CNTN5: variants seen among roughly 807,000 people sequenced by gnomAD.
CNTN5 encodes contactin 5.
In CNTN5, 77 loss-of-function variants were observed where a neutral mutation model predicts 129.1. The observed-to-expected ratio is 0.60, with a 90% CI of 0.50 to 0.72. The LOEUF (loss-of-function observed/expected upper bound fraction) is 0.72, where lower values mean the gene tolerates loss of function less well. Among genes scored for constraint, CNTN5 ranks in the 30% least tolerant of loss-of-function variants. The pLI is 0.00. For synonymous variants in CNTN5, 509 were observed against 465.6 expected (o/e 1.09, Z -1.20); for missense variants, 1,478 against 1,328.8 (o/e 1.11, Z -1.75).
intron 1 of CNTN5, among the ~76,000 whole-genome samples, chr11:99,249,623 T>G (rs73534964): frequency 0.017 from 2,591 of 152,114 alleles, 85 homozygotes; most frequent in African/African-American, 0.06. Context: ...GGTATGTTAT[T>G]TGAAATCCAA....
At chr11:100,309,574 G>A in intron 21 of CNTN5, 1 of 983,230 alleles carries the variant, frequency 1.0e-6, no homozygotes, top group Non-Finnish European at 1.2e-6. Context: ...CATGTTTAAT[G>A]TGATGAATAT....
rs200531331 is a variant in CNTN5 at position 99,689,591 on chromosome 11, AC to A, written c.56-129952del. Among the ~76,000 whole-genome samples the A allele has an allele frequency of 2.6e-3, 376 of 143,336 alleles. 2 individuals are homozygous for A. Among genetic ancestry groups the A allele is most frequent in the African/African-American group, 9.0e-3 (354 of 39,306 alleles). 94.0% of individuals were successfully genotyped at this position (143,336 alleles called of 152,430 possible). On this transcript the variant is annotated intron_variant, in intron 3 of 24. Coordinates refer to ENST00000524871, the MANE Select transcript of CNTN5 (RefSeq NM_014361.4). ...CTCCACAACCTCAGCAGCATCTGTT[AC>A]TTTTTTTTGACATTTTAATAATCAC... is the stretch of plus-strand genomic sequence containing the variant.
At chr11:99,167,999 G>C (rs575982120) in intron 1 of CNTN5, among the ~76,000 whole-genome samples, 1 of 151,288 alleles carries the variant, frequency 6.6e-6, no homozygotes, top group Non-Finnish European at 1.5e-5. Flanking sequence ...GCAGTGATGT[G>C]ATCTGGGTTC....
chr11:100,152,591 A>C (rs1048960138), intron 13 of CNTN5, among the ~76,000 whole-genome samples: 1 of 152,120 alleles, frequency 6.6e-6, no homozygotes, highest in Non-Finnish European at 1.5e-5. Context: ...GATTGAAAAT[A>C]ATTGACTTCT....
At chr11:99,248,807 C>G (rs1365600591) in intron 1 of CNTN5, among the ~76,000 whole-genome samples, 1 of 152,064 alleles carries the variant, frequency 6.6e-6, no homozygotes, top group African/African-American at 2.4e-5. Flanking sequence ...GGGCTCAGTT[C>G]TGTTCCATTG....
At chr11:99,917,354 G>A (rs1014740022) in intron 7 of CNTN5, among the ~76,000 whole-genome samples, 1 of 151,948 alleles carries the variant, frequency 6.6e-6, no homozygotes, top group African/African-American at 2.4e-5. Context: ...TCCAGATTTA[G>A]GTTCTTTCAA....
chr11:100,198,801 C>T (rs7117635), intron 15 of CNTN5, among the ~76,000 whole-genome samples: 116,504 of 151,762 alleles, frequency 0.77, 44,827 homozygotes, highest in East Asian at 0.89. Context: ...AGGAAACATG[C>T]CTGATTCATA....
intron 16 of CNTN5, among the ~76,000 whole-genome samples, chr11:100,233,607 C>T (rs557780826): frequency 2.4e-4 from 37 of 152,118 alleles, no homozygotes; most frequent in Non-Finnish European, 4.7e-4. Context: ...TGACCACAAA[C>T]CTTACTGAAA....
chr11:99,850,616 ATTT>A (rs768466070), intron 6 of CNTN5, among the ~76,000 whole-genome samples: 1 of 151,482 alleles, frequency 6.6e-6, no homozygotes, highest in Non-Finnish European at 1.5e-5. Flanking sequence ...TCGAAAGGTG[ATTT>A]TTTTTTACTT....
At chr11:99,064,797 T>G (rs1865034157) in intron 1 of CNTN5, among the ~76,000 whole-genome samples, 1 of 152,094 alleles carries the variant, frequency 6.6e-6, no homozygotes, top group African/African-American at 2.4e-5. Context: ...TTGCACTTAC[T>G]TAAAATATTC....
chr11:100,209,766 G>A (rs1948988717), intron 15 of CNTN5, among the ~76,000 whole-genome samples: 1 of 152,096 alleles, frequency 6.6e-6, no homozygotes, highest in African/African-American at 2.4e-5. Context: ...CTACTATAAA[G>A]AGACTATGGG....
rs770991020 is a variant in CNTN5 at position 99,808,890 on chromosome 11, A to T, written c.56-10654A>T. ...TTGTGCCTTGTGACTTGAGCATCAC[A>T]GTGAGCCTGTGATCACTGGAAAGAC... is the stretch of plus-strand genomic sequence containing the variant. On this transcript the variant is annotated intron_variant, in intron 3 of 24. Transcript: ENST00000524871. 1.6e-4 allele frequency among the ~76,000 whole-genome samples: 24 copies of T among 152,138 alleles called. 1 individual carries two copies. The highest frequency in any genetic ancestry group is 3.3e-4 in the Admixed American group (5 of 15,262).
chr11:99,581,505 T>G (rs1197134212), intron 3 of CNTN5, among the ~76,000 whole-genome samples: 32 of 150,862 alleles, frequency 2.1e-4, no homozygotes, highest in African/African-American at 7.9e-4. Flanking sequence ...GCTTTATGAA[T>G]CTGGGTGCTC....
chr11:99,353,202 G>A (rs1938419552), intron 2 of CNTN5, among the ~76,000 whole-genome samples: 1 of 152,170 alleles, frequency 6.6e-6, no homozygotes, highest in Admixed American at 6.5e-5. Flanking sequence ...TCAATAATAT[G>A]AGGAAAAGGC....
At chr11:99,464,250 G>A (rs1424078853) in intron 2 of CNTN5, among the ~76,000 whole-genome samples, 1 of 152,116 alleles carries the variant, frequency 6.6e-6, no homozygotes, top group Non-Finnish European at 1.5e-5. Context: ...TTTGAAGTGT[G>A]CTCAATTTAT....
chr11:99,343,896 A>T (rs1866634960), intron 2 of CNTN5, among the ~76,000 whole-genome samples: 2 of 152,162 alleles, frequency 1.3e-5, no homozygotes, highest in South Asian at 4.1e-4. Context: ...ACAAAAAAAA[A>T]TTTACAGACG....
At chr11:100,093,813 C>T (rs1185014866) in intron 13 of CNTN5, among the ~76,000 whole-genome samples, 1 of 152,002 alleles carries the variant, frequency 6.6e-6, no homozygotes, top group Non-Finnish European at 1.5e-5. Flanking sequence ...AATTCTGATG[C>T]AGCAGATCTA....
At position 99,857,627 on chromosome 11, in the gene CNTN5, T is replaced by C. The variant is rs148115401; in HGVS notation, c.577+12365T>C. On this transcript the variant is annotated intron_variant, in intron 6 of 24. Transcript: ENST00000524871. ...GTTAATAACCATTTTAATGCAGTAA[T>C]AATATTTGTACTCATAATTTTGCAT... Among the ~76,000 whole-genome samples the C allele has an allele frequency of 6.5e-3, 993 of 151,926 alleles. 11 individuals carry two copies. The highest frequency in any genetic ancestry group is 0.023 in the African/African-American group (935 of 41,248).
At chr11:99,524,982 A>G (rs1392383875) in intron 2 of CNTN5, among the ~76,000 whole-genome samples, 3 of 152,180 alleles carry the variant, frequency 2.0e-5, no homozygotes, top group Non-Finnish European at 4.4e-5. Context: ...AAAATTTCCA[A>G]ATAAATGATC....
Sources: gnomAD v4.1 joint callset for allele counts (sites outside exome capture counted in the v4.1 genomes callset) on GRCh38, gnomAD v4.1.1 for gene constraint, MANE v1.5 for transcripts, NCBI Gene and HGNC (gene_info 2026-07-23, HGNC 2026-07-21) for gene names.